The following RMDN2 variants were observed in gnomAD, a reference collection of about 807,000 sequenced individuals.
The protein encoded by RMDN2 is regulator of microtubule dynamics 2.
A neutral mutation model predicts 52.8 loss-of-function variants in RMDN2; 61 were observed. The ratio of observed to expected loss-of-function variants is 1.16; its 90% confidence interval spans 0.94 to 1.43. RMDN2 has a LOEUF of 1.43. Ranked by LOEUF, RMDN2 falls within the 40% of genes most tolerant of loss-of-function variation. RMDN2 has a pLI of 0.00. For missense variants in RMDN2, 592 were observed against 475.3 expected (o/e 1.25, Z -2.28); for synonymous variants, 180 against 153.1 (o/e 1.18, Z -1.30).
chr2:38,055,030 A>T (rs928132349), intron 10 of RMDN2, among the ~76,000 whole-genome samples: 46 of 152,232 alleles, frequency 3.0e-4, no homozygotes, highest in Non-Finnish European at 4.8e-4. Context: ...CCATATTTTT[A>T]GAACAGTATA....
In RMDN2 at chr2:37,953,272, C is replaced by G. The variant is rs573052137; in HGVS notation, c.453-20768C>G. The stretch of plus-strand genomic sequence containing the variant: ...AAGTACATTCACATTGTTGTACAGC[C>G]ATCACCACCATCCGTTTCCACAACT... On this transcript the variant is annotated intron_variant, in intron 2 of 10. Coordinates refer to ENST00000354545, the MANE Select transcript of RMDN2 (RefSeq NM_001170791.3). Among the ~76,000 whole-genome samples the G allele has an allele frequency of 4.6e-5, 7 of 151,962 alleles. No individual in the cohort carries two copies. In the South Asian group the frequency reaches 1.5e-3, roughly 32 times the overall value.
At chr2:37,956,489 G>T (rs1669478488) in intron 2 of RMDN2, among the ~76,000 whole-genome samples, 1 of 151,934 alleles carries the variant, frequency 6.6e-6, no homozygotes, top group African/African-American at 2.4e-5. Context: ...GGACAAACTT[G>T]GTTTCATTGA....
chr2:37,925,645 G>A (rs530243704), intron 1 of RMDN2, among the ~76,000 whole-genome samples: 1 of 152,352 alleles, frequency 6.6e-6, no homozygotes, highest in Non-Finnish European at 1.5e-5. Context: ...CGCTGACCCT[G>A]CGCCACGGAA....
In RMDN2 at chr2:38,012,341, G is replaced by T. The variant is rs181418177; in HGVS notation, c.1180-4845G>T. Among the ~76,000 whole-genome samples the T allele has an allele frequency of 9.7e-4, 147 of 152,266 alleles. 1 individual carries two copies. Among genetic ancestry groups the T allele is most frequent in the African/African-American group, 3.4e-3 (143 of 41,538 alleles). ...TTATTATGTCATTATTAATGTGATT[G>T]TTCCATGAAAGTAACAACCAGGTTT... On this transcript the variant is annotated intron_variant, in intron 10 of 10. Transcript: ENST00000354545.
chr2:37,949,852 G>A (rs1173466527), intron 2 of RMDN2: 2 of 153,574 alleles, frequency 1.3e-5, no homozygotes, highest in African/African-American at 2.4e-5. Context: ...AGATAAGAAA[G>A]GACAGTGTTT....
chr2:37,956,749 T>A (rs1400501604), intron 2 of RMDN2, among the ~76,000 whole-genome samples: 1 of 152,144 alleles, frequency 6.6e-6, no homozygotes, highest in Non-Finnish European at 1.5e-5. Context: ...GGTGGTTTGC[T>A]GCACCCATCA....
chr2:37,988,035 G>C (rs901701929), intron 5 of RMDN2, among the ~76,000 whole-genome samples: 1 of 152,142 alleles, frequency 6.6e-6, no homozygotes, highest in African/African-American at 2.4e-5. Context: ...CTCCAGACTG[G>C]GCGATAGAGC....
intron 2 of RMDN2, chr2:37,951,230 T>C: frequency 6.4e-7 from 1 of 1,571,366 alleles, no homozygotes; most frequent in African/African-American, 1.4e-5. Context: ...TTCTCACTCT[T>C]AGCTGCTGCA....
upstream of RMDN2, chr2:37,923,355 T>A (rs1666085299): frequency 1.3e-5 from 2 of 152,198 alleles, no homozygotes; most frequent in African/African-American, 2.4e-5. Flanking sequence ...CATCTTCCTC[T>A]TGGAATAGAC....
At chr2:38,062,526 G>A (rs1682093731) in intron 10 of RMDN2, among the ~76,000 whole-genome samples, 1 of 152,134 alleles carries the variant, frequency 6.6e-6, no homozygotes, top group South Asian at 2.1e-4. Context: ...TGCAGCTGCT[G>A]TAAACATTCA....
chr2:37,937,906 G>C (rs1038120662), intron 2 of RMDN2, among the ~76,000 whole-genome samples: 8 of 152,132 alleles, frequency 5.3e-5, no homozygotes, highest in East Asian at 1.9e-4. Flanking sequence ...GATTGCTCTG[G>C]GCAGAACTTC....
chr2:37,964,665 T>C lies in RMDN2; in HGVS notation c.453-9375T>C, dbSNP rs574933261. Among the ~76,000 whole-genome samples, 65 of 152,292 alleles carry C rather than the reference T, an allele frequency of 4.3e-4. No individual in the cohort carries two copies. In the South Asian group the frequency reaches 7.0e-3, roughly 17 times the overall value. On this transcript the variant is annotated intron_variant, in intron 2 of 10. Transcript: ENST00000354545. Reference sequence around the variant, plus strand: ...GAATGTGTATTCTGTTATTTTTGGGTGGCATGGTCTATATGTGTTGTTAGG... The same window carrying C: ...GAATGTGTATTCTGTTATTTTTGGGCGGCATGGTCTATATGTGTTGTTAGG...
chr2:37,936,878 G>T (rs1389410741), intron 2 of RMDN2, among the ~76,000 whole-genome samples: 1 of 152,184 alleles, frequency 6.6e-6, no homozygotes, highest in Non-Finnish European at 1.5e-5. Context: ...CTTTTGCTGT[G>T]CAGGAGCTCT....
intron 10 of RMDN2, among the ~76,000 whole-genome samples, chr2:38,059,060 G>T (rs368513460): frequency 1.0e-3 from 152 of 152,232 alleles, no homozygotes; most frequent in African/African-American, 3.6e-3. Context: ...AATTGAAATG[G>T]GTTCAATTAT....
In RMDN2 at chr2:38,056,742, G is replaced by T. The variant is rs183063075; in HGVS notation, c.1714-10240G>T. On this transcript the variant is annotated intron_variant, in intron 10 of 10. Coordinates refer to the RMDN2 transcript ENST00000234195. ...GTGAAATTATGACATACCCCTAAAT[G>T]ATATAAAATGATGGAGACCCAATTA... Among the ~76,000 whole-genome samples the T allele has an allele frequency of 8.1e-4, 123 of 152,328 alleles. 1 individual carries two copies. The highest frequency in any genetic ancestry group is 3.1e-3 in the East Asian group (16 of 5,188).
intron 10 of RMDN2, among the ~76,000 whole-genome samples, chr2:38,013,566 G>A (rs1288725669): frequency 2.6e-5 from 4 of 152,298 alleles, no homozygotes. Flanking sequence ...TGTTTTATGA[G>A]TTGAGAAGCA....
intron 10 of RMDN2, among the ~76,000 whole-genome samples, chr2:38,025,266 ATATAT>A (rs1255541998): frequency 6.6e-6 from 1 of 151,882 alleles, no homozygotes; most frequent in Non-Finnish European, 1.5e-5. Context: ...TGATGCTCTT[ATATAT>A]TATATTTTCA....
intron 10 of RMDN2, among the ~76,000 whole-genome samples, chr2:38,051,830 T>C (rs1056484811): frequency 6.6e-6 from 1 of 152,228 alleles, no homozygotes; most frequent in Admixed American, 6.5e-5. Context: ...TCCAGTTCCA[T>C]CCATGTTACT....
chr2:37,928,990 G>A (rs7565287), intron 1 of RMDN2: 211,436 of 224,634 alleles, frequency 0.94, 99,687 homozygotes, highest in East Asian at 1. Flanking sequence ...GATATGTATT[G>A]CCTGGGGTTT....
Sources: allele counts gnomAD v4.1 joint callset (sites outside exome capture counted in the v4.1 genomes callset), GRCh38; gene constraint gnomAD v4.1.1; transcripts MANE v1.5; gene names NCBI Gene and HGNC (gene_info 2026-07-23, HGNC 2026-07-21).